CSMD1: variants seen among roughly 807,000 people sequenced by gnomAD.
CSMD1 encodes the protein CUB and Sushi multiple domains 1.
In CSMD1, 213 loss-of-function variants were observed where a neutral mutation model predicts 417.5. That is an observed-to-expected ratio of 0.51 (90% confidence interval 0.46 to 0.57). The LOEUF (loss-of-function observed/expected upper bound fraction) is 0.57. Ranked by LOEUF, CSMD1 falls within the 20% of genes least tolerant of loss-of-function variation. The pLI is 0.00. For missense variants in CSMD1, 6,923 were observed against 4,529.7 expected, an observed-to-expected ratio of 1.53 and a Z score of -15.17; for synonymous variants, 2,862 against 1,736.8, an observed-to-expected ratio of 1.65 and a Z score of -16.11.
At chr8:3,991,545 C>A (rs572073950) in intron 5 of CSMD1, among the ~76,000 whole-genome samples, 1 of 152,106 alleles carries the variant, frequency 6.6e-6, no homozygotes, top group South Asian at 2.1e-4. Context: ...ACATTACTGT[C>A]TAGTGAATAA....
intron 3 of CSMD1, among the ~76,000 whole-genome samples, chr8:4,143,759 C>T (rs1289767956): frequency 6.6e-6 from 1 of 151,122 alleles, no homozygotes; most frequent in East Asian, 1.9e-4. Context: ...TTTATTAAAG[C>T]CAGAAAGCAC....
intron 5 of CSMD1, among the ~76,000 whole-genome samples, chr8:3,961,743 AG>A (rs1191310952): frequency 3.3e-5 from 5 of 152,230 alleles, no homozygotes; most frequent in African/African-American, 9.6e-5. Flanking sequence ...TATGTAGTAA[AG>A]CCCGGTCTTT....
At chr8:2,951,051 G>A in intron 66 of CSMD1, 63 bp downstream of exon 66, 13 of 1,524,348 alleles carry the variant, frequency 8.5e-6, no homozygotes, top group African/African-American at 1.4e-5. Flanking sequence ...TCACCTCTCT[G>A]TGAAAAGATA....
At position 3,690,194 on chromosome 8, in the gene CSMD1, A is replaced by G. The variant is rs187747422; in HGVS notation, c.1009+18220T>C. 1.1e-4 allele frequency among the ~76,000 whole-genome samples: 17 copies of G among 152,270 alleles called. No homozygotes were observed. The East Asian group carries it at 2.9e-3, about 26-fold the overall frequency. ...GGCAACAGGGCAAGGCCCTGTCTCT[A>G]CAAAAAATACAAAAATTAGCCAGGC... On this transcript the variant is annotated intron_variant, in intron 7 of 69. Coordinates refer to ENST00000635120, the MANE Select transcript of CSMD1 (RefSeq NM_033225.6).
In CSMD1 at chr8:4,050,606, G is replaced by T. The variant is rs377412039; in HGVS notation, c.416-18507C>A. Among the ~76,000 whole-genome samples the T allele has an allele frequency of 4.7e-4, 72 of 151,984 alleles. 1 individual carries two copies. In the East Asian group the frequency reaches 5.0e-3, roughly 11 times the overall value. On this transcript the variant is annotated intron_variant, in intron 3 of 69. Transcript: ENST00000635120. ...TTTCAAAATATACAATTAAATTATT[G>T]CTTACAAGAGTCATCCTGCGGTGCT...
chr8:4,102,431 A>T (rs1801352925), intron 3 of CSMD1, among the ~76,000 whole-genome samples: 1 of 152,186 alleles, frequency 6.6e-6, no homozygotes. Flanking sequence ...ATTCTGTCAT[A>T]ATAGATTTAA....
At chr8:4,456,788 T>A (rs1159249007) in intron 2 of CSMD1, among the ~76,000 whole-genome samples, 48 of 151,936 alleles carry the variant, frequency 3.2e-4, no homozygotes, top group Admixed American at 3.1e-3. Context: ...ACCTACGAGG[T>A]AAGCTGAAGA....
At position 4,908,598 on chromosome 8, in the gene CSMD1, A is replaced by G. The variant is rs576510147; in HGVS notation, c.85+85734T>C. On this transcript the variant is annotated intron_variant, in intron 1 of 69. Coordinates refer to ENST00000635120, the MANE Select transcript of CSMD1 (RefSeq NM_033225.6). ...TTTCAATGTAGAGAGTTTTTATTCA[A>G]CAGCAGTCAAGCTCCGAGTCTTTTC... 2.8e-5 allele frequency among the ~76,000 whole-genome samples: 4 copies of G among 144,290 alleles called. No individual in the cohort carries two copies. The South Asian group carries it at 9.0e-4, about 32-fold the overall frequency. The allele number at this position is 144,290 out of a possible 152,430, so 94.7% of individuals were successfully genotyped here. A position where few individuals can be genotyped will look rare whatever the true frequency, so the allele number is the denominator to read the frequency against.
At chr8:4,540,493 C>A (rs1047060993) in intron 2 of CSMD1, among the ~76,000 whole-genome samples, 2 of 152,108 alleles carry the variant, frequency 1.3e-5, no homozygotes, top group Non-Finnish European at 2.9e-5. Context: ...GGCTTGAGCC[C>A]AGGAGTTCCA....
chr8:4,485,401 C>G (rs1801324510), intron 2 of CSMD1, among the ~76,000 whole-genome samples: 1 of 152,120 alleles, frequency 6.6e-6, no homozygotes, highest in Non-Finnish European at 1.5e-5. Context: ...ACAGACGGGG[C>G]CTGATAAACT....
At chr8:3,846,586 AAAAT>A (rs1206043203) in intron 5 of CSMD1, among the ~76,000 whole-genome samples, 4 of 152,224 alleles carry the variant, frequency 2.6e-5, no homozygotes, top group Non-Finnish European at 5.9e-5. Context: ...GTTGACATTT[AAAAT>A]AAATATTCAC....
intron 30 of CSMD1, among the ~76,000 whole-genome samples, chr8:3,209,935 C>T (rs1797507198): frequency 6.6e-6 from 1 of 152,074 alleles, no homozygotes; most frequent in Admixed American, 6.6e-5. Flanking sequence ...GTCATTGTGA[C>T]CCATGAAAGG....
intron 41 of CSMD1, among the ~76,000 whole-genome samples, chr8:3,132,773 A>C (rs1328937072): frequency 6.6e-6 from 1 of 151,870 alleles, no homozygotes; most frequent in Non-Finnish European, 1.5e-5. Context: ...TCCTAATTTG[A>C]CTCCACTACT....
At chr8:4,399,086 T>C (rs1434153011) in intron 3 of CSMD1, among the ~76,000 whole-genome samples, 1 of 152,234 alleles carries the variant, frequency 6.6e-6, no homozygotes, top group African/African-American at 2.4e-5. Context: ...TGGTGACTTT[T>C]AGCCATGTAA....
At position 4,800,383 on chromosome 8, in the gene CSMD1, A is replaced by G. The variant is rs572747995; in HGVS notation, c.86-162825T>C. Reference sequence around the variant, plus strand: ...GAGGTGGAGGTTGCAGTGAGCTGAGATCAGAGATCACGCCACTGTACTCCA... The same window carrying G: ...GAGGTGGAGGTTGCAGTGAGCTGAGGTCAGAGATCACGCCACTGTACTCCA... On this transcript the variant is annotated intron_variant, in intron 1 of 69. Transcript: ENST00000635120. Among the ~76,000 whole-genome samples the G allele has an allele frequency of 3.3e-5, 5 of 151,396 alleles. No homozygotes were observed. The South Asian group carries it at 6.3e-4, about 19-fold the overall frequency.
intron 1 of CSMD1, among the ~76,000 whole-genome samples, chr8:4,669,949 T>C (rs1205808812): frequency 1.3e-5 from 2 of 152,166 alleles, no homozygotes; most frequent in Non-Finnish European, 2.9e-5. Flanking sequence ...ATGAGTTTCA[T>C]GTTTTATGAG....
chr8:3,434,805 C>T (rs1162403162), intron 12 of CSMD1, among the ~76,000 whole-genome samples: 4 of 152,180 alleles, frequency 2.6e-5, no homozygotes, highest in African/African-American at 9.7e-5. Flanking sequence ...TTACACTTCT[C>T]GCCTATATTT....
chr8:2,953,767 T>G (rs913391309), intron 65 of CSMD1, among the ~76,000 whole-genome samples: 3 of 152,222 alleles, frequency 2.0e-5, no homozygotes, highest in Non-Finnish European at 4.4e-5. Context: ...AGGCAAAGCA[T>G]GCCTAGATGA....
rs574130093 is a variant in CSMD1 at position 4,328,115 on chromosome 8, T to C, written c.415+91838A>G. 2.0e-5 allele frequency among the ~76,000 whole-genome samples: 3 copies of C among 152,336 alleles called. No homozygotes were observed. In the South Asian group the frequency reaches 6.2e-4, roughly 32 times the overall value. On this transcript the variant is annotated intron_variant, in intron 3 of 69. Coordinates refer to ENST00000635120, the MANE Select transcript of CSMD1 (RefSeq NM_033225.6). ...CAGAAACTATGCAAACAAGTCACTA[T>C]GTCCATTTATGAATGAAGAAATACT...
Sources: allele counts gnomAD v4.1 joint callset (sites outside exome capture counted in the v4.1 genomes callset), GRCh38; gene constraint gnomAD v4.1.1; transcripts MANE v1.5; gene names NCBI Gene and HGNC (gene_info 2026-07-23, HGNC 2026-07-21).